PRKCH: variants seen among roughly 807,000 people sequenced by gnomAD.
PRKCH encodes protein kinase C eta.
In PRKCH, 28 loss-of-function variants were observed where a neutral mutation model predicts 82.5. That is an observed-to-expected ratio of 0.34 (90% CI 0.25 to 0.47). PRKCH has a LOEUF of 0.47. Among genes scored for constraint, PRKCH ranks in the 20% least tolerant of loss-of-function variants. The probability of loss-of-function intolerance (pLI) is 1.00; values close to 1 mark genes in which losing one functional copy is unlikely to be tolerated. For missense variants in PRKCH, 705 were observed against 881.8 expected, an observed-to-expected ratio of 0.80 and a Z score of 2.54; for synonymous variants, 322 against 327.4, an observed-to-expected ratio of 0.98 and a Z score of 0.18.
chr14:61,245,792 G>A (rs1308825538), intron 1 of PRKCH, among the ~76,000 whole-genome samples: 2 of 152,196 alleles, frequency 1.3e-5, no homozygotes. Context: ...AGGTTCATTA[G>A]TATCCAAAAC....
chr14:61,223,016 C>G (rs78501716), intron 1 of PRKCH, among the ~76,000 whole-genome samples: 2,374 of 152,166 alleles, frequency 0.016, 54 homozygotes, highest in African/African-American at 0.054. Flanking sequence ...AGGAGCTATT[C>G]ACTCTCACTC....
chr14:61,469,017 G>C (rs1162028933), intron 9 of PRKCH, among the ~76,000 whole-genome samples: 1 of 152,186 alleles, frequency 6.6e-6, no homozygotes, highest in Non-Finnish European at 1.5e-5. Flanking sequence ...AATGAGATGG[G>C]TGTTCTGCCA....
chr14:61,371,120 A>G (rs2140173271), intron 1 of PRKCH, among the ~76,000 whole-genome samples: 1 of 152,226 alleles, frequency 6.6e-6, no homozygotes, highest in South Asian at 2.1e-4. Flanking sequence ...ACCTGGATTT[A>G]GGGCTCAGTG....
chr14:61,292,977 G>C (rs2045377078), intron 1 of PRKCH, among the ~76,000 whole-genome samples: 1 of 151,966 alleles, frequency 6.6e-6, no homozygotes, highest in Non-Finnish European at 1.5e-5. Flanking sequence ...ACAAAACCAG[G>C]TGATTATTCA....
At chr14:61,520,028 C>A (rs2042882657) in intron 10 of PRKCH, among the ~76,000 whole-genome samples, 1 of 150,914 alleles carries the variant, frequency 6.6e-6, no homozygotes, top group Non-Finnish European at 1.5e-5. Flanking sequence ...GGTCCTTTTC[C>A]CTGCACATCT....
rs906605079 is a variant in PRKCH, at chr14:61,511,725, T to C, written c.1434-17350T>C. Among the ~76,000 whole-genome samples the C allele has an allele frequency of 3.3e-5, 5 of 152,344 alleles. No individual in the cohort carries two copies. In the East Asian group the frequency reaches 5.8e-4, roughly 18 times the overall value. Reference sequence around the variant, plus strand: ...TCTGCCCACACATGCTTGTCATTGCTGCTTCCTGGCGCTTGTGACCTCCTT... The same window carrying C: ...TCTGCCCACACATGCTTGTCATTGCCGCTTCCTGGCGCTTGTGACCTCCTT... On this transcript the variant is annotated intron_variant, in intron 10 of 13. Coordinates refer to ENST00000332981, the MANE Select transcript of PRKCH (RefSeq NM_006255.5).
At chr14:61,317,052 C>G (rs547534019), upstream of PRKCH, among the ~76,000 whole-genome samples, 12 of 152,328 alleles carry the variant, frequency 7.9e-5, no homozygotes, top group South Asian at 2.5e-3. Flanking sequence ...TTAAATACTT[C>G]ACGTCAAACG....
intron 7 of PRKCH, chr14:61,456,773 T>A (rs1884783383): frequency 6.3e-6 from 1 of 158,776 alleles, no homozygotes; most frequent in African/African-American, 2.4e-5. Flanking sequence ...TGCTGAATGA[T>A]GCTTGAATCT....
At chr14:61,361,357 G>A (rs931216342) in intron 1 of PRKCH, among the ~76,000 whole-genome samples, 1 of 152,220 alleles carries the variant, frequency 6.6e-6, no homozygotes, top group Non-Finnish European at 1.5e-5. Flanking sequence ...AGAACAAAGG[G>A]TGTTTATCAT....
chr14:61,297,042 A>G (rs939049357), intron 1 of PRKCH, among the ~76,000 whole-genome samples: 2 of 151,436 alleles, frequency 1.3e-5, no homozygotes, highest in African/African-American at 2.4e-5. Context: ...AATGTATTAG[A>G]TTTTACTATT....
chr14:61,532,349 T>C (rs1284940383), intron 12 of PRKCH, among the ~76,000 whole-genome samples: 1 of 152,228 alleles, frequency 6.6e-6, no homozygotes, highest in African/African-American at 2.4e-5. Context: ...TCAATAAATT[T>C]TTATATTCTC....
chr14:61,383,788 G>A (rs943120227), intron 1 of PRKCH, among the ~76,000 whole-genome samples: 8 of 152,042 alleles, frequency 5.3e-5, no homozygotes, highest in African/African-American at 1.2e-4. Flanking sequence ...CAGGAGAGGG[G>A]CCTGACTAGG....
intron 1 of PRKCH, among the ~76,000 whole-genome samples, chr14:61,209,310 TAAAAA>T (rs6145367): frequency 1.1e-5 from 1 of 92,834 alleles, no homozygotes; most frequent in African/African-American, 3.5e-5. Flanking sequence ...TGCCTTTATT[TAAAAA>T]AAAAAAAAAA....
rs45582331 is a variant in PRKCH, at chr14:61,322,098, C to G, written c.-4C>G. The G allele has an allele frequency of 6.5e-7, 1 of 1,540,820 alleles. No homozygotes were observed. The highest frequency in any genetic ancestry group is 8.8e-7 in the Non-Finnish European group (1 of 1,137,880). ...CCCCCCGGGGCCGGGGCAGCGGCGC[C>G]GGCATGTCGTCTGGCACCATGAAGT... On this transcript the variant is annotated 5_prime_UTR_variant, in exon 1 of 14. Coordinates refer to ENST00000332981, the MANE Select transcript of PRKCH (RefSeq NM_006255.5).
chr14:61,333,823 A>G (rs2045819555), intron 1 of PRKCH, among the ~76,000 whole-genome samples: 1 of 152,176 alleles, frequency 6.6e-6, no homozygotes, highest in Non-Finnish European at 1.5e-5. Flanking sequence ...TTCTTAAAAC[A>G]TTCACCCTCT....
chr14:61,313,113 T>C (rs1231192602), intron 1 of PRKCH, among the ~76,000 whole-genome samples: 3 of 152,312 alleles, frequency 2.0e-5, no homozygotes. Context: ...ACTGACTGGA[T>C]GGTCACTGAG....
In PRKCH at chr14:61,322,038, G is replaced by C; in HGVS notation, c.-64G>C. The C allele has an allele frequency of 3.4e-6, 5 of 1,473,216 alleles. No individual in the cohort carries two copies. Among genetic ancestry groups the C allele is most frequent in the Admixed American group, 4.7e-5 (2 of 42,706 alleles). 91.3% of individuals were successfully genotyped at this position (1,473,216 alleles called of 1,614,324 possible). ...CCTGTCCCGAGGGCTGGCCTGAGACGGGACTCCCGGTTCTCCCGCTGCGAA... is the reference window on the plus strand; with the variant it reads ...CCTGTCCCGAGGGCTGGCCTGAGACCGGACTCCCGGTTCTCCCGCTGCGAA... On this transcript the variant is annotated 5_prime_UTR_variant, in exon 1 of 14. Coordinates refer to ENST00000332981, the MANE Select transcript of PRKCH (RefSeq NM_006255.5).
At chr14:61,262,093 C>T (rs1417027797) in intron 1 of PRKCH, among the ~76,000 whole-genome samples, 1 of 151,676 alleles carries the variant, frequency 6.6e-6, no homozygotes, top group Non-Finnish European at 1.5e-5. Flanking sequence ...TAGTGGTGGG[C>T]ACCTTTAATC....
chr14:61,461,339 T>C (rs1468333945), intron 9 of PRKCH, among the ~76,000 whole-genome samples: 3 of 151,738 alleles, frequency 2.0e-5, no homozygotes, highest in Non-Finnish European at 4.4e-5. Context: ...AATAGAGGAG[T>C]GGAGTTACAG....
Sources: gnomAD v4.1 joint callset for allele counts (sites outside exome capture counted in the v4.1 genomes callset) on GRCh38, gnomAD v4.1.1 for gene constraint, MANE v1.5 for transcripts, NCBI Gene and HGNC (gene_info 2026-07-23, HGNC 2026-07-21) for gene names.